Variants in DDX10 observed in about 807,000 individuals in gnomAD.
DDX10 encodes the protein DEAD-box helicase 10, also known as probable ATP-dependent RNA helicase DDX10.
In DDX10, 74 loss-of-function variants were observed where a neutral mutation model predicts 104.3. The ratio of observed to expected loss-of-function variants is 0.71; its 90% CI spans 0.59 to 0.86. DDX10 has a LOEUF of 0.86. Among genes scored for constraint, DDX10 ranks in the 40% least tolerant of loss-of-function variants. DDX10 has a pLI of 0.00. For synonymous variants in DDX10, 351 were observed against 353.4 expected, an observed-to-expected ratio of 0.99 and a Z score of 0.08; for missense variants, 952 against 1,040.0, an observed-to-expected ratio of 0.92 and a Z score of 1.16.
intron 16 of DDX10, among the ~76,000 whole-genome samples, chr11:108,904,826 T>G (rs1319544397): frequency 1.3e-5 from 2 of 152,196 alleles, no homozygotes; most frequent in Admixed American, 1.3e-4. Context: ...ATGGCTATTT[T>G]ATGAATTATT....
chr11:108,867,946 A>T (rs191162995), intron 16 of DDX10, among the ~76,000 whole-genome samples: 5 of 152,270 alleles, frequency 3.3e-5, no homozygotes, highest in African/African-American at 1.2e-4. Context: ...ATCTGTCTTC[A>T]GGCAGCCCTC....
chr11:108,709,583 A>G (rs183039763), intron 10 of DDX10, among the ~76,000 whole-genome samples: 1 of 152,302 alleles, frequency 6.6e-6, no homozygotes, highest in East Asian at 1.9e-4. Context: ...AGGTGTTCAT[A>G]ATCTTTTTAT....
intron 16 of DDX10, chr11:108,861,097 A>C (rs1473897072): frequency 2.0e-5 from 3 of 150,966 alleles, no homozygotes; most frequent in Admixed American, 6.6e-5. Flanking sequence ...TAGGGAAGGC[A>C]AATTCACCCT....
intron 6 of DDX10, among the ~76,000 whole-genome samples, chr11:108,686,075 A>G (rs754416827): frequency 6.6e-6 from 1 of 152,084 alleles, no homozygotes; most frequent in Non-Finnish European, 1.5e-5. Flanking sequence ...GATATGGCCT[A>G]TTTCTTCTTT....
intron 16 of DDX10, among the ~76,000 whole-genome samples, chr11:108,863,243 C>T (rs1259673720): frequency 1.3e-5 from 2 of 152,116 alleles, no homozygotes; most frequent in Admixed American, 6.5e-5. Context: ...TTAATGTAGC[C>T]TCATTTTTAT....
chr11:108,728,971 C>T (rs992412432), intron 13 of DDX10, among the ~76,000 whole-genome samples: 4 of 152,066 alleles, frequency 2.6e-5, no homozygotes, highest in African/African-American at 9.7e-5. Flanking sequence ...GGTTAATATC[C>T]TTTTTTTGAA....
intron 16 of DDX10, among the ~76,000 whole-genome samples, chr11:108,852,919 T>C (rs1236799539): frequency 1.3e-5 from 2 of 152,192 alleles, no homozygotes; most frequent in African/African-American, 4.8e-5. Context: ...TGACTAGCCA[T>C]GATTTCTTCT....
chr11:108,930,743 AG>A (rs1227391863), intron 17 of DDX10, among the ~76,000 whole-genome samples: 1 of 152,224 alleles, frequency 6.6e-6, no homozygotes, highest in East Asian at 1.9e-4. Context: ...AAAATACAGT[AG>A]ACTGTGATAA....
chr11:108,937,405 T>C (rs1482833065), intron 17 of DDX10, among the ~76,000 whole-genome samples: 2 of 152,236 alleles, frequency 1.3e-5, no homozygotes, highest in Non-Finnish European at 2.9e-5. Context: ...ATTATTTTGA[T>C]GTTTGGGGTT....
intron 13 of DDX10, among the ~76,000 whole-genome samples, chr11:108,733,360 G>A (rs2134487226): frequency 6.6e-6 from 1 of 152,110 alleles, no homozygotes; most frequent in Middle Eastern, 3.4e-3. Flanking sequence ...ACTGTGTTAG[G>A]TACTTAGTGA....
chr11:108,717,383 C>T (rs1389866641), intron 11 of DDX10, among the ~76,000 whole-genome samples: 1 of 152,226 alleles, frequency 6.6e-6, no homozygotes, highest in East Asian at 1.9e-4. Flanking sequence ...GATCTTGGCT[C>T]ATCGCAACCT....
intron 16 of DDX10, among the ~76,000 whole-genome samples, chr11:108,896,529 G>A (rs769645168): frequency 1.3e-5 from 2 of 152,066 alleles, no homozygotes; most frequent in African/African-American, 4.8e-5. Flanking sequence ...ACCCATACAT[G>A]TTTTAGATTT....
chr11:108,702,990 A>G (rs1022636686), intron 9 of DDX10, among the ~76,000 whole-genome samples: 1 of 152,228 alleles, frequency 6.6e-6, no homozygotes, highest in Non-Finnish European at 1.5e-5. Context: ...TAAATTAAAT[A>G]TAGTATTGAT....
chr11:108,840,937 G>A (rs1161702035), intron 14 of DDX10, among the ~76,000 whole-genome samples: 1 of 152,190 alleles, frequency 6.6e-6, no homozygotes, highest in Non-Finnish European at 1.5e-5. Flanking sequence ...GCCCAAAGGA[G>A]GTACAGCCTG....
At chr11:108,852,712 A>G (rs764564499) in intron 16 of DDX10, among the ~76,000 whole-genome samples, 1 of 152,220 alleles carries the variant, frequency 6.6e-6, no homozygotes, top group Non-Finnish European at 1.5e-5. Flanking sequence ...CAGCAAATAC[A>G]TATGTACAGT....
At chr11:108,870,104 A>G (rs1464787306) in intron 16 of DDX10, among the ~76,000 whole-genome samples, 5 of 152,158 alleles carry the variant, frequency 3.3e-5, no homozygotes, top group Non-Finnish European at 7.4e-5. Flanking sequence ...ATTCTGTACT[A>G]TCTTTGAAAG....
At chr11:108,738,570 A>G (rs1163730122) in intron 13 of DDX10, among the ~76,000 whole-genome samples, 1 of 152,102 alleles carries the variant, frequency 6.6e-6, no homozygotes, top group Non-Finnish European at 1.5e-5. Flanking sequence ...GCACCAGCTT[A>G]GCTAACCAGA....
At chr11:108,901,829 G>T (rs1179591419) in intron 16 of DDX10, among the ~76,000 whole-genome samples, 1 of 151,850 alleles carries the variant, frequency 6.6e-6, no homozygotes, top group Non-Finnish European at 1.5e-5. Context: ...GATATCTAGG[G>T]TATTAAAAAA....
intron 16 of DDX10, among the ~76,000 whole-genome samples, chr11:108,894,698 TG>T (rs1229147951): frequency 1.3e-5 from 2 of 152,030 alleles, no homozygotes; most frequent in African/African-American, 4.8e-5. Context: ...TTTGCTCATA[TG>T]GGCATACTCT....
Sources: gnomAD v4.1 joint callset for allele counts (sites outside exome capture counted in the v4.1 genomes callset) on GRCh38, gnomAD v4.1.1 for gene constraint, MANE v1.5 for transcripts, NCBI Gene and HGNC (gene_info 2026-07-23, HGNC 2026-07-21) for gene names.